The following ITGAE variants were observed in gnomAD, a reference collection of about 807,000 sequenced individuals.
ITGAE encodes the protein integrin alpha-E.
In ITGAE, 99 loss-of-function variants were observed where a neutral mutation model predicts 136.5. The observed-to-expected ratio is 0.73, with a 90% CI of 0.62 to 0.86. The LOEUF (loss-of-function observed/expected upper bound fraction) is 0.86, where lower values mean the gene tolerates loss of function less well. Among genes scored for constraint, ITGAE ranks in the 40% least tolerant of loss-of-function variants. The pLI is 0.00. For missense variants in ITGAE, 1,447 were observed against 1,515.3 expected (o/e 0.95, Z 0.75); for synonymous variants, 613 against 591.8 (o/e 1.04, Z -0.52).
intron 1 of ITGAE, among the ~76,000 whole-genome samples, chr17:3,784,948 A>G (rs562520410): frequency 1.3e-5 from 2 of 152,256 alleles, no homozygotes; most frequent in South Asian, 4.1e-4. Flanking sequence ...CCTGGGCAAC[A>G]TGGCTGGTAT....
At position 3,761,624 on chromosome 17, in the gene ITGAE, C is replaced by T. The variant is rs1449862499; in HGVS notation, c.316-104G>A. The T allele has an allele frequency of 2.8e-6, 3 of 1,065,696 alleles. No individual in the cohort carries two copies. In the African/African-American group the frequency reaches 4.7e-5, roughly 17 times the overall value. 66.0% of individuals were successfully genotyped at this position (1,065,696 alleles called of 1,614,324 possible). ...TCCAGAACTCAGTGGCTCAACCAGGCAGGGGGCACAGGAAGAGCTGGCCCA... is the reference window on the plus strand; with the variant it reads ...TCCAGAACTCAGTGGCTCAACCAGGTAGGGGGCACAGGAAGAGCTGGCCCA... On this transcript the variant is annotated intron_variant, in intron 4 of 30. Transcript: ENST00000263087.
At position 3,755,785 on chromosome 17, in the gene ITGAE, C is replaced by G. The variant is rs771074887; in HGVS notation, c.1239+45G>C. 33 of 1,539,308 alleles carry G rather than the reference C, an allele frequency of 2.1e-5. No individual in the cohort carries two copies. In the South Asian group the frequency reaches 3.9e-4, roughly 18 times the overall value. On this transcript the variant is annotated intron_variant, in intron 11 of 30. Transcript: ENST00000263087. ...CCCTGAATCCTAGGTGTCCTGGGCC[C>G]CTCACCAATGGGCAAGCCTGCCTGG...
At chr17:3,782,274 CAAAAAAAA>C (rs61341691) in intron 1 of ITGAE, among the ~76,000 whole-genome samples, 1 of 47,264 alleles carries the variant, frequency 2.1e-5, no homozygotes. Flanking sequence ...GACTCGGCCT[CAAAAAAAA>C]AAAAAAAAAA....
chr17:3,750,265 G>T, intron 16 of ITGAE, 87 bp downstream of exon 16: 1 of 1,539,738 alleles, frequency 6.5e-7, no homozygotes, highest in Non-Finnish European at 8.8e-7. Context: ...CCCTCCCTCA[G>T]TGCCTAATGT....
intron 1 of ITGAE, among the ~76,000 whole-genome samples, chr17:3,781,443 G>A (rs557514585): frequency 3.3e-5 from 5 of 151,720 alleles, no homozygotes; most frequent in South Asian, 4.1e-4. Context: ...ACCATCTCCC[G>A]GGTTCAAGGG....
Position 3,714,829 on chromosome 17 carries a change from C to T in ITGAE, c.*18G>A. On this transcript the variant is annotated 3_prime_UTR_variant, in exon 31 of 31. Transcript: ENST00000263087. ...GTCCCAGGACTGGCTGATAGCCTCT[C>T]CCAGTGGATAGCAGGTCCTAATTCT... is the stretch of plus-strand genomic sequence containing the variant. 6.8e-7 allele frequency: 1 copy of T among 1,475,190 alleles called. No individual in the cohort carries two copies. The allele number at this position is 1,475,190 out of a possible 1,614,324, so 91.4% of individuals were successfully genotyped here. A position where few individuals can be genotyped will look rare whatever the true frequency, so the allele number is the denominator to read the frequency against.
Position 3,745,874 on chromosome 17 carries a change from T to G in ITGAE, c.2209A>C (p.Arg737=), listed in dbSNP as rs1040038976. ...FTLDVDVGKQ[R]RRLQCSDVRS... ...ACGTCTGAACACTGCAGCCGTCTCC[T>G]CTGCTTCCCCACATCCACATCCAGC... The change falls in exon 18 of 31, where the codon AGG becomes CGG. Residue 737 remains arginine, a synonymous_variant. Transcript: ENST00000263087. 5.0e-6 allele frequency: 8 copies of G among 1,614,026 alleles called. No homozygotes were observed. The highest frequency in any genetic ancestry group is 6.8e-6 in the Non-Finnish European group (8 of 1,180,002).
chr17:3,736,853 T>C (rs553234160), intron 20 of ITGAE, among the ~76,000 whole-genome samples: 1 of 150,670 alleles, frequency 6.6e-6, no homozygotes, highest in South Asian at 2.2e-4. Context: ...GGAAGTAATG[T>C]GAGGTGTGTT....
intron 1 of ITGAE, among the ~76,000 whole-genome samples, chr17:3,791,323 C>A (rs2052933884): frequency 6.6e-6 from 1 of 151,624 alleles, no homozygotes. Flanking sequence ...TACTCTGTTG[C>A]CCAGGCTGGA....
chr17:3,747,819 C>A (rs550750755), intron 17 of ITGAE, 103 bp downstream of exon 17: 21 of 335,440 alleles, frequency 6.3e-5, no homozygotes, highest in African/African-American at 3.7e-4. Context: ...CTCAGACCAA[C>A]ACCCACCCAC....
At chr17:3,735,797 G>A (rs968702945) in intron 20 of ITGAE, among the ~76,000 whole-genome samples, 17 of 152,112 alleles carry the variant, frequency 1.1e-4, no homozygotes, top group Non-Finnish European at 1.2e-4. Flanking sequence ...CGTCTCACAC[G>A]CTCAACCCTC....
intron 26 of ITGAE, 71 bp downstream of exon 26, chr17:3,727,847 TG>T: frequency 1.0e-6 from 1 of 970,412 alleles, no homozygotes; most frequent in Non-Finnish European, 1.7e-6. Context: ...TCTAGAACTC[TG>T]GTTTTTATAC....
At chr17:3,767,862 C>T (rs946518464) in intron 2 of ITGAE, among the ~76,000 whole-genome samples, 1 of 152,192 alleles carries the variant, frequency 6.6e-6, no homozygotes, top group Non-Finnish European at 1.5e-5. Context: ...AGCACTCCCA[C>T]CTTGGTCTTC....
At chr17:3,768,698 A>G (rs1000981771) in intron 2 of ITGAE, among the ~76,000 whole-genome samples, 9 of 151,944 alleles carry the variant, frequency 5.9e-5, no homozygotes, top group Non-Finnish European at 1.2e-4. Context: ...GTGCCTCACA[A>G]CCCAGTTACT....
At chr17:3,779,431 G>A (rs1229682414) in intron 1 of ITGAE, among the ~76,000 whole-genome samples, 1 of 151,894 alleles carries the variant, frequency 6.6e-6, no homozygotes, top group Admixed American at 6.6e-5. Context: ...GGGTTCAAGC[G>A]ATTCTCCTGT....
chr17:3,751,822 T>C lies in ITGAE; in HGVS notation c.1721A>G (p.Asn574Ser), dbSNP rs2051877790. The part of the protein sequence containing the change: ...RILSGHPGFT[N>S]ARFGFAMAAM... Reference sequence around the variant, plus strand: ...CGCCATGGCAAAGCCAAAGCGGGCATTGGTGAACCCGGGGTGCCCACTCAG... The same window carrying C: ...CGCCATGGCAAAGCCAAAGCGGGCACTGGTGAACCCGGGGTGCCCACTCAG... The change falls in exon 15 of 31, where the codon AAT becomes AGT. Residue 574 changes from asparagine (N) to serine (S), a missense_variant. By Grantham distance (46) the Asn-to-Ser change is conservative. Around this residue, in one of 3 missense-constraint regions of ITGAE, gnomAD observed 1,031 missense variants for 1,011.4 expected, o/e 1.02. Transcript: ENST00000263087. The C allele has an allele frequency of 6.2e-7, 1 of 1,614,140 alleles. No individual in the cohort carries two copies.
At chr17:3,730,451 C>CAAAAAAAAAAAATAAAATAAAAAAAAA (rs1335957777) in intron 23 of ITGAE, 27 of 90,986 alleles carry the variant, frequency 3.0e-4, no homozygotes, top group Non-Finnish European at 9.2e-5. Context: ...GACTCTGTCT[C>CAAAAAAAAAAAATAAAATAAAAAAAAA]AAAAAATAAA....
intron 29 of ITGAE, 48 bp from the exon 30 acceptor site, chr17:3,716,846 G>A (rs1298756384): frequency 3.9e-6 from 4 of 1,025,842 alleles, no homozygotes; most frequent in Middle Eastern, 4.1e-4. Context: ...AAGCAAACAA[G>A]GAAAAAATCC....
rs967609574 is a variant in ITGAE at position 3,747,979 on chromosome 17, C to T, written c.2098G>A (p.Val700Ile). The change falls in exon 17 of 31, where the codon GTC becomes ATC. Residue 700 changes from valine (V) to isoleucine (I), a missense_variant. Around this residue, in one of 3 missense-constraint regions of ITGAE, gnomAD observed 1,031 missense variants for 1,011.4 expected, o/e 1.02. Transcript: ENST00000263087. ...PSALPIGFNG[V>I]VNVRLCFEIS... ...TCAAAACATAAACGGACATTCACGA[C>T]GCCGTTGAAGCCGATGGGCAGTGCG... 23 of 1,613,100 alleles carry T rather than the reference C, an allele frequency of 1.4e-5. No homozygotes were observed. The highest frequency in any genetic ancestry group is 1.9e-5 in the Non-Finnish European group (22 of 1,179,448).
Sources: allele counts gnomAD v4.1 joint callset (sites outside exome capture counted in the v4.1 genomes callset), GRCh38; gene constraint gnomAD v4.1.1; regional missense constraint gnomAD v4.1.1; transcripts MANE v1.5; gene names NCBI Gene and HGNC (gene_info 2026-07-23, HGNC 2026-07-21).